Variants in RYR3 observed in about 807,000 individuals in gnomAD.
RYR3 encodes brain ryanodine receptor-calcium release channel.
Under a neutral mutation model 584.3 loss-of-function variants are expected in RYR3, and 207 were observed. The ratio of observed to expected loss-of-function variants is 0.35; its 90% CI spans 0.32 to 0.40. The LOEUF is 0.40. RYR3 is among the 10% of genes least tolerant of loss of function. The probability of loss-of-function intolerance (pLI) is 1.00; values close to 1 mark genes in which losing one functional copy is unlikely to be tolerated. For synonymous variants in RYR3, 2,416 were observed against 2,248.5 expected (o/e 1.07, Z -2.11); for missense variants, 5,616 against 6,089.2 (o/e 0.92, Z 2.59).
In RYR3 at chr15:33,736,214, G is replaced by A. The variant is rs372659708; in HGVS notation, c.7425-21G>A. On this transcript the variant is annotated intron_variant, in intron 48 of 103. Transcript: ENST00000634891. Reference sequence around the variant, plus strand: ...TTATGTTTTCATTTTATTTATCTACGTTTGTCATTTCATACTGCAGTCACT... The same window carrying A: ...TTATGTTTTCATTTTATTTATCTACATTTGTCATTTCATACTGCAGTCACT... 48 of 1,487,034 alleles carry A rather than the reference G, an allele frequency of 3.2e-5. No homozygotes were observed. In the African/African-American group the frequency reaches 3.9e-4, roughly 12 times the overall value. 92.1% of individuals were successfully genotyped at this position (1,487,034 alleles called of 1,614,324 possible). A position where few individuals can be genotyped will look rare whatever the true frequency, so the allele number is the denominator to read the frequency against.
chr15:33,378,862 G>C (rs893388556), intron 1 of RYR3, among the ~76,000 whole-genome samples: 1 of 152,150 alleles, frequency 6.6e-6, no homozygotes, highest in Non-Finnish European at 1.5e-5. Context: ...CTACTCAGGA[G>C]GCTGAGGCAG....
chr15:33,596,689 A>G (rs1466949421), intron 16 of RYR3, among the ~76,000 whole-genome samples: 1 of 152,170 alleles, frequency 6.6e-6, no homozygotes, highest in Non-Finnish European at 1.5e-5. Flanking sequence ...ATATCCTCCT[A>G]TTTGAAACCA....
At chr15:33,789,622 TTTTATATATATA>T (rs1458576419) in intron 67 of RYR3, among the ~76,000 whole-genome samples, 17 of 32,388 alleles carry the variant, frequency 5.2e-4, no homozygotes, top group South Asian at 5.0e-3. Flanking sequence ...CCAGGTTTTA[TTTTATATATATA>T]TATATATATA....
At chr15:33,701,601 A>G (rs988735321) in intron 42 of RYR3, among the ~76,000 whole-genome samples, 2 of 151,968 alleles carry the variant, frequency 1.3e-5, no homozygotes, top group African/African-American at 4.8e-5. Context: ...GAGGGCTGAC[A>G]GGATTCACAG....
Position 33,821,288 on chromosome 15 carries a change from C to CA in RYR3, c.10840dup (p.Thr3614AsnfsTer10). The CA allele has an allele frequency of 6.3e-7, 1 of 1,597,810 alleles. No individual in the cohort carries two copies. Among genetic ancestry groups the CA allele is most frequent in the Non-Finnish European group, 8.5e-7 (1 of 1,172,410 alleles). On this transcript the variant is annotated frameshift_variant, in exon 79 of 104. Transcript: ENST00000634891. LOFTEE classifies it high-confidence loss of function. ...CCCCCAGGAGAAAGAGATGGAGAAG[C>CA]AAAAAACCCTCTATCAGCAAGCTCG...
chr15:33,826,402 T>C lies in RYR3; in HGVS notation c.11164+133T>C, dbSNP rs184570912. 1.7e-5 allele frequency: 16 copies of C among 925,134 alleles called. No homozygotes were observed. The African/African-American group carries it at 2.3e-4, about 13-fold the overall frequency. 57.3% of individuals were successfully genotyped at this position (925,134 alleles called of 1,614,324 possible). The stretch of plus-strand genomic sequence containing the variant: ...TTGAACTCAGCAGTTTGGTACTTAA[T>C]TAAAGAAGTGTCTTCCATCTGTAAA... On this transcript the variant is annotated intron_variant, in intron 83 of 103. Coordinates refer to ENST00000634891, the MANE Select transcript of RYR3 (RefSeq NM_001036.6).
intron 65 of RYR3, among the ~76,000 whole-genome samples, chr15:33,784,743 C>A (rs2074600932): frequency 6.6e-6 from 1 of 152,144 alleles, no homozygotes; most frequent in Non-Finnish European, 1.5e-5. Flanking sequence ...CACTCAGAGC[C>A]CTTGTTATCC....
At chr15:33,497,274 C>A (rs1280940994) in intron 2 of RYR3, among the ~76,000 whole-genome samples, 1 of 152,112 alleles carries the variant, frequency 6.6e-6, no homozygotes, top group Non-Finnish European at 1.5e-5. Flanking sequence ...GGGCTATCTG[C>A]CAAGTTAAAT....
chr15:33,511,400 G>A (rs1433246740), intron 3 of RYR3, among the ~76,000 whole-genome samples: 1 of 149,076 alleles, frequency 6.7e-6, no homozygotes, highest in Non-Finnish European at 1.5e-5. Flanking sequence ...AAAGCTTTCA[G>A]CAAAACCTGC....
intron 70 of RYR3, 134 bp downstream of exon 70, chr15:33,807,703 TC>T: frequency 1.2e-6 from 1 of 858,290 alleles, no homozygotes; most frequent in Non-Finnish European, 1.9e-6. Flanking sequence ...CCAGGCCTGC[TC>T]CAGGGAAGAC....
chr15:33,399,215 T>C (rs2042478720), intron 1 of RYR3, among the ~76,000 whole-genome samples: 1 of 152,204 alleles, frequency 6.6e-6, no homozygotes, highest in East Asian at 1.9e-4. Context: ...GTAAGACTCA[T>C]ATGACATCAT....
At chr15:33,796,818 C>G (rs2075653671) in intron 67 of RYR3, among the ~76,000 whole-genome samples, 1 of 152,182 alleles carries the variant, frequency 6.6e-6, no homozygotes, top group Non-Finnish European at 1.5e-5. Flanking sequence ...TATTGCAGCA[C>G]TATTCACAAC....
chr15:33,668,981 G>A (rs918978886), intron 36 of RYR3, among the ~76,000 whole-genome samples: 1 of 152,086 alleles, frequency 6.6e-6, no homozygotes, highest in South Asian at 2.1e-4. Flanking sequence ...GTAAGAAAAT[G>A]TTCAAGTAAC....
At chr15:33,742,503 A>T (rs2070249151) in intron 52 of RYR3, 59 bp downstream of exon 52, 2 of 1,098,698 alleles carry the variant, frequency 1.8e-6, no homozygotes, top group Non-Finnish European at 2.8e-6. Flanking sequence ...AAGAACATTA[A>T]AGGGCCCAGT....
At chr15:33,725,977 A>AC (rs1567033906) in intron 45 of RYR3, among the ~76,000 whole-genome samples, 2 of 4,960 alleles carry the variant, frequency 4.0e-4, no homozygotes, top group South Asian at 0.022. Flanking sequence ...CCCCCCCCCC[A>AC]AAAAAAAAAA....
intron 5 of RYR3, among the ~76,000 whole-genome samples, chr15:33,534,270 A>G (rs994554082): frequency 6.6e-6 from 1 of 152,106 alleles, no homozygotes; most frequent in Non-Finnish European, 1.5e-5. Flanking sequence ...GTGTGGTGGC[A>G]GGCGCCTGTA....
intron 65 of RYR3, among the ~76,000 whole-genome samples, chr15:33,782,014 G>C (rs1389358526): frequency 6.6e-6 from 1 of 152,210 alleles, no homozygotes; most frequent in African/African-American, 2.4e-5. Flanking sequence ...CCCAGGTGTT[G>C]CTTCCTGACT....
chr15:33,374,364 ATGTGTGTG>A (rs138831585), intron 1 of RYR3, among the ~76,000 whole-genome samples: 173 of 145,020 alleles, frequency 1.2e-3, no homozygotes, highest in East Asian at 5.8e-3. Flanking sequence ...GTACGAGTGT[ATGTGTGTG>A]TGTGTGTGTG....
chr15:33,788,252 C>A lies in RYR3; in HGVS notation c.9624C>A (p.Pro3208=). 1 of 1,613,936 alleles carries A rather than the reference C, an allele frequency of 6.2e-7. No individual in the cohort carries two copies. The highest frequency in any genetic ancestry group is 8.5e-7 in the Non-Finnish European group (1 of 1,179,864). The change falls in exon 67 of 104, where the codon CCC becomes CCA. Residue 3208 remains proline, a synonymous_variant. Coordinates refer to ENST00000634891, the MANE Select transcript of RYR3 (RefSeq NM_001036.6). Reference sequence around the variant, plus strand: ...AGCCCATCATCAGCAAAGCCAGGCCCGACCTGCTGAGAAGCCACTTCATCC... The same window carrying A: ...AGCCCATCATCAGCAAAGCCAGGCCAGACCTGCTGAGAAGCCACTTCATCC... ...YAQPIISKAR[P]DLLRSHFIPT...
Sources: allele counts gnomAD v4.1 joint callset (sites outside exome capture counted in the v4.1 genomes callset), GRCh38; gene constraint gnomAD v4.1.1; transcripts MANE v1.5; gene names NCBI Gene and HGNC (gene_info 2026-07-23, HGNC 2026-07-21).